The following SCN2A variants were observed in gnomAD, a reference collection of about 807,000 sequenced individuals.
SCN2A encodes the protein sodium voltage-gated channel alpha subunit 2.
A neutral mutation model predicts 188.7 loss-of-function variants in SCN2A; 20 were observed. The ratio of observed to expected loss-of-function variants is 0.11; its 90% CI spans 0.07 to 0.15. The LOEUF is 0.15. Among genes scored for constraint, SCN2A ranks in the 10% least tolerant of loss-of-function variants. SCN2A has a pLI of 1.00. For synonymous variants in SCN2A, 804 were observed against 833.1 expected, an observed-to-expected ratio of 0.97 and a Z score of 0.60; for missense variants, 1,278 against 2,445.0, an observed-to-expected ratio of 0.52 and a Z score of 10.07.
intron 18 of SCN2A, among the ~76,000 whole-genome samples, chr2:165,366,525 G>T (rs1211844799): frequency 6.6e-6 from 1 of 151,528 alleles, no homozygotes; most frequent in Non-Finnish European, 1.5e-5. Flanking sequence ...TTGAGGTCAG[G>T]AGTTCAAGAC....
intron 1 of SCN2A, among the ~76,000 whole-genome samples, chr2:165,291,519 C>CTTTCTTTCTTTT (rs1270743491): frequency 1.7e-4 from 9 of 51,830 alleles, no homozygotes; most frequent in East Asian, 7.2e-4. Context: ...TTCTTCCTCT[C>CTTTCTTTCTTTT]CTTTCTTTCC....
intron 4 of SCN2A, among the ~76,000 whole-genome samples, chr2:165,308,344 T>A (rs1697249888): frequency 6.6e-6 from 1 of 152,144 alleles, no homozygotes; most frequent in Admixed American, 6.5e-5. Flanking sequence ...AATGCTTCAC[T>A]CATTTTTGTA....
At position 165,266,504 on chromosome 2, in the gene SCN2A, T is replaced by C. The variant is rs370867504; in HGVS notation, c.-52+26864T>C. On this transcript the variant is annotated intron_variant, in intron 1 of 26. Coordinates refer to ENST00000375437, the MANE Select transcript of SCN2A (RefSeq NM_001040142.2). ...AGGTTTCTGTTTCCTGTGTATCAAG[T>C]TTCCCAAACAAGAATCTTGGAGTCC... 3 of 152,186 alleles carry C rather than the reference T, an allele frequency of 2.0e-5. No homozygotes were observed. The East Asian group carries it at 5.8e-4, about 29-fold the overall frequency. 9.4% of individuals were successfully genotyped at this position (152,186 alleles called of 1,614,324 possible). A position where few individuals can be genotyped will look rare whatever the true frequency, so the allele number is the denominator to read the frequency against.
chr2:165,242,339 T>C (rs925172861), intron 1 of SCN2A, among the ~76,000 whole-genome samples: 6 of 152,078 alleles, frequency 3.9e-5, no homozygotes, highest in Admixed American at 2.0e-4. Context: ...ATTATTAAAT[T>C]GTGTGAAAAT....
intron 1 of SCN2A, among the ~76,000 whole-genome samples, chr2:165,276,402 T>TAA (rs139085741): frequency 6.6e-6 from 1 of 151,862 alleles, no homozygotes; most frequent in Admixed American, 6.6e-5. Context: ...AATTTTAATT[T>TAA]AAAAAAAATG....
At chr2:165,387,290 C>A (rs1701926791) in intron 26 of SCN2A, among the ~76,000 whole-genome samples, 1 of 152,090 alleles carries the variant, frequency 6.6e-6, no homozygotes, top group East Asian at 1.9e-4. Context: ...ATAACTGCAA[C>A]TTTGGTAGAA....
intron 26 of SCN2A, among the ~76,000 whole-genome samples, chr2:165,388,149 C>G (rs145804341): frequency 6.6e-6 from 1 of 152,228 alleles, no homozygotes; most frequent in African/African-American, 2.4e-5. Flanking sequence ...AGGATTCAGT[C>G]CCAAGTACAT....
intron 1 of SCN2A, among the ~76,000 whole-genome samples, chr2:165,246,092 G>T (rs1174116174): frequency 6.6e-6 from 1 of 152,072 alleles, no homozygotes; most frequent in Non-Finnish European, 1.5e-5. Flanking sequence ...TACAAACCTA[G>T]ACTCACAGCA....
At chr2:165,250,224 C>T (rs1311602880) in intron 1 of SCN2A, among the ~76,000 whole-genome samples, 2 of 151,996 alleles carry the variant, frequency 1.3e-5, no homozygotes. Context: ...ATATGCTGAG[C>T]TCTACTCATT....
At chr2:165,287,788 G>A (rs1461996921) in intron 1 of SCN2A, among the ~76,000 whole-genome samples, 2 of 152,122 alleles carry the variant, frequency 1.3e-5, no homozygotes, top group Non-Finnish European at 2.9e-5. Context: ...TGGGCACACT[G>A]CAAATTCTTT....
intron 18 of SCN2A, among the ~76,000 whole-genome samples, chr2:165,365,857 A>G (rs941676639): frequency 6.6e-6 from 1 of 152,178 alleles, no homozygotes; most frequent in African/African-American, 2.4e-5. Context: ...CACTGGAGTA[A>G]TCGCAAAAGG....
intron 14 of SCN2A, 130 bp from the exon 15 acceptor site, chr2:165,342,166 T>C: frequency 1.3e-6 from 1 of 745,724 alleles, no homozygotes; most frequent in Admixed American, 2.3e-5. Context: ...AGATACTAAG[T>C]TGTTGGACCT....
At chr2:165,240,477 G>A (rs534439058) in intron 1 of SCN2A, among the ~76,000 whole-genome samples, 2 of 152,214 alleles carry the variant, frequency 1.3e-5, no homozygotes, top group African/African-American at 4.8e-5. Flanking sequence ...TGCTTCTCGT[G>A]ATTTCCCTTA....
At chr2:165,305,364 G>A (rs1312783272) in intron 3 of SCN2A, among the ~76,000 whole-genome samples, 1 of 152,208 alleles carries the variant, frequency 6.6e-6, no homozygotes, top group Non-Finnish European at 1.5e-5. Flanking sequence ...CAAGTATGTG[G>A]AATTCAGAAG....
intron 13 of SCN2A, among the ~76,000 whole-genome samples, chr2:165,329,463 A>C (rs974033100): frequency 6.6e-6 from 1 of 152,146 alleles, no homozygotes; most frequent in Non-Finnish European, 1.5e-5. Context: ...CTTTGTTTTA[A>C]AGTGTGAGAT....
At chr2:165,274,619 G>C (rs908304500) in intron 1 of SCN2A, among the ~76,000 whole-genome samples, 1 of 152,162 alleles carries the variant, frequency 6.6e-6, no homozygotes, top group African/African-American at 2.4e-5. Context: ...CTATTGCCTA[G>C]TTTAAAAATT....
At chr2:165,243,616 A>AT (rs1361744830) in intron 1 of SCN2A, 2 of 150,248 alleles carry the variant, frequency 1.3e-5, no homozygotes, top group Non-Finnish European at 2.9e-5. Flanking sequence ...AAAAAAAAAA[A>AT]GTCAATGTCA....
At chr2:165,362,970 T>C (rs2105351826) in intron 17 of SCN2A, among the ~76,000 whole-genome samples, 1 of 152,216 alleles carries the variant, frequency 6.6e-6, no homozygotes, top group African/African-American at 2.4e-5. Flanking sequence ...AATGGTGTGG[T>C]GGTGAAAGTC....
chr2:165,322,841 G>C (rs1185956300), intron 11 of SCN2A, among the ~76,000 whole-genome samples: 4 of 152,136 alleles, frequency 2.6e-5, no homozygotes, highest in Non-Finnish European at 4.4e-5. Flanking sequence ...ATCAGTTCTA[G>C]ATGCCCGTAA....
Sources: allele counts gnomAD v4.1 joint callset (sites outside exome capture counted in the v4.1 genomes callset), GRCh38; gene constraint gnomAD v4.1.1; transcripts MANE v1.5; gene names NCBI Gene and HGNC (gene_info 2026-07-23, HGNC 2026-07-21).